Variants in PRDM5 observed in about 807,000 individuals in gnomAD.
PRDM5 encodes the protein PR/SET domain 5.
PRDM5 carries 56 observed loss-of-function variants against 81.2 expected under a neutral mutation model. The ratio of observed to expected loss-of-function variants is 0.69; its 90% CI spans 0.56 to 0.86. The LOEUF (loss-of-function observed/expected upper bound fraction) is 0.86. PRDM5 is among the 40% of genes least tolerant of loss of function. The pLI, the probability that PRDM5 is intolerant of heterozygous loss-of-function variation, is 0.00. For missense variants in PRDM5, 697 were observed against 770.1 expected, an observed-to-expected ratio of 0.91 and a Z score of 1.12; for synonymous variants, 267 against 256.4, an observed-to-expected ratio of 1.04 and a Z score of -0.39.
chr4:120,735,164 T>C (rs1273808494), intron 14 of PRDM5, among the ~76,000 whole-genome samples: 2 of 152,210 alleles, frequency 1.3e-5, no homozygotes, highest in Non-Finnish European at 2.9e-5. Context: ...GTCATGGAAT[T>C]CCCTAAGATC....
intron 14 of PRDM5, among the ~76,000 whole-genome samples, chr4:120,740,960 T>G (rs572105296): frequency 1.3e-5 from 2 of 152,204 alleles, no homozygotes; most frequent in Non-Finnish European, 2.9e-5. Flanking sequence ...TTACTGTATC[T>G]GTAGGTGTGC....
At chr4:120,899,748 G>C (rs569140735) in intron 2 of PRDM5, among the ~76,000 whole-genome samples, 1 of 152,024 alleles carries the variant, frequency 6.6e-6, no homozygotes, top group Non-Finnish European at 1.5e-5. Context: ...TGGAGATAAC[G>C]TCACATCCCA....
chr4:120,735,286 C>G (rs1445101449), intron 14 of PRDM5, among the ~76,000 whole-genome samples: 1 of 152,144 alleles, frequency 6.6e-6, no homozygotes, highest in Non-Finnish European at 1.5e-5. Flanking sequence ...TCCTACTGTT[C>G]AGAATAACAG....
intron 12 of PRDM5, among the ~76,000 whole-genome samples, chr4:120,779,952 C>A (rs1748800747): frequency 6.6e-6 from 1 of 151,318 alleles, no homozygotes; most frequent in African/African-American, 2.4e-5. Flanking sequence ...TATATAATAT[C>A]TCCTGTATAT....
chr4:120,687,307 C>T (rs1331416690), downstream of PRDM5, among the ~76,000 whole-genome samples: 1 of 152,044 alleles, frequency 6.6e-6, no homozygotes, highest in African/African-American at 2.4e-5. Flanking sequence ...CCCTTCTTTG[C>T]CTTCCCTGGT....
In PRDM5 at chr4:120,843,539, C is replaced by T. The variant is rs115514472; in HGVS notation, c.300+9879G>A. On this transcript the variant is annotated intron_variant, in intron 3 of 15. Transcript: ENST00000264808. Reference sequence around the variant, plus strand: ...GCAACAATGCAAGACCCCATCTCTACAATAAATTTAAAAAAGTAGATGGGC... The same window carrying T: ...GCAACAATGCAAGACCCCATCTCTATAATAAATTTAAAAAAGTAGATGGGC... Among the ~76,000 whole-genome samples the T allele has an allele frequency of 6.5e-3, 983 of 151,892 alleles. 11 individuals carry two copies. Among genetic ancestry groups the T allele is most frequent in the African/African-American group, 0.023 (950 of 41,424 alleles).
At chr4:120,795,971 A>G (rs917513878) in intron 10 of PRDM5, among the ~76,000 whole-genome samples, 2 of 152,128 alleles carry the variant, frequency 1.3e-5, no homozygotes, top group Non-Finnish European at 2.9e-5. Flanking sequence ...ATAATATTCT[A>G]TTTTTCAAGC....
At chr4:120,762,640 A>T (rs1473365649) in intron 13 of PRDM5, 1 of 152,190 alleles carries the variant, frequency 6.6e-6, no homozygotes, top group Admixed American at 6.5e-5. Context: ...AATAAATTAG[A>T]AGTACACCAT....
At chr4:120,896,137 A>G (rs1394925392) in intron 2 of PRDM5, 2 of 152,168 alleles carry the variant, frequency 1.3e-5, no homozygotes, top group African/African-American at 4.8e-5. Flanking sequence ...AACTTTGATG[A>G]GCTCTCTTAA....
Position 120,805,682 on chromosome 4 carries a change from G to C in PRDM5, c.945+5688C>G, listed in dbSNP as rs377057187. Among the ~76,000 whole-genome samples, 22 of 152,206 alleles carry C rather than the reference G, an allele frequency of 1.4e-4. No individual in the cohort carries two copies. In the East Asian group the frequency reaches 4.2e-3, roughly 29 times the overall value. On this transcript the variant is annotated intron_variant, in intron 8 of 15. Coordinates refer to ENST00000264808, the MANE Select transcript of PRDM5 (RefSeq NM_018699.4). ...CATGCTAAAAACTCTCAATAAACTA[G>C]GTACTGATGGGACATATCTCAAAAT...
chr4:120,824,566 T>C lies in PRDM5; in HGVS notation c.301-3221A>G, dbSNP rs544057257. On this transcript the variant is annotated intron_variant, in intron 3 of 15. Transcript: ENST00000264808. The stretch of plus-strand genomic sequence containing the variant: ...CATTATAATTTGAATACAACATATT[T>C]ATAGAATGAATGGTTTTACAATTGT... Among the ~76,000 whole-genome samples the C allele has an allele frequency of 4.6e-5, 7 of 152,348 alleles. No homozygotes were observed. In the South Asian group the frequency reaches 1.4e-3, roughly 32 times the overall value.
downstream of PRDM5, among the ~76,000 whole-genome samples, chr4:120,690,818 T>C (rs1204350049): frequency 3.3e-5 from 5 of 152,160 alleles, no homozygotes; most frequent in Non-Finnish European, 7.4e-5. Context: ...TTGAACTGTT[T>C]TGCATTGATT....
chr4:120,748,828 G>C (rs1743538344), intron 14 of PRDM5, among the ~76,000 whole-genome samples: 1 of 151,966 alleles, frequency 6.6e-6, no homozygotes, highest in African/African-American at 2.4e-5. Flanking sequence ...AGGCCGCCAG[G>C]GTCTGACTGC....
intron 14 of PRDM5, among the ~76,000 whole-genome samples, chr4:120,752,819 T>C (rs74747939): frequency 0.094 from 14,377 of 152,238 alleles, 894 homozygotes; most frequent in Non-Finnish European, 0.14. Flanking sequence ...AGCTACCTCA[T>C]AGAGTTGTTG....
At chr4:120,833,573 T>C (rs1484136771) in intron 3 of PRDM5, among the ~76,000 whole-genome samples, 2 of 152,184 alleles carry the variant, frequency 1.3e-5, no homozygotes, top group African/African-American at 4.8e-5. Flanking sequence ...AAATGAATCT[T>C]CTACCATAAC....
chr4:120,804,825 G>C (rs1752668797), intron 8 of PRDM5, among the ~76,000 whole-genome samples: 1 of 152,108 alleles, frequency 6.6e-6, no homozygotes, highest in South Asian at 2.1e-4. Flanking sequence ...CCAAAAGCTA[G>C]CAGAAGGCAA....
chr4:120,885,793 C>T (rs576315514), intron 2 of PRDM5: 2 of 136,436 alleles, frequency 1.5e-5, no homozygotes, highest in South Asian at 2.3e-4. Flanking sequence ...ACCCTATCAC[C>T]GAAAGAAAAA....
intron 14 of PRDM5, among the ~76,000 whole-genome samples, chr4:120,742,832 G>T (rs1168157898): frequency 7.9e-5 from 12 of 152,010 alleles, no homozygotes; most frequent in Admixed American, 7.9e-4. Flanking sequence ...TGGGGAGAAT[G>T]GAACCAAGTT....
At chr4:120,885,945 C>A (rs1181294834) in intron 2 of PRDM5, among the ~76,000 whole-genome samples, 1 of 152,114 alleles carries the variant, frequency 6.6e-6, no homozygotes, top group Admixed American at 6.5e-5. Context: ...TTTAATCACA[C>A]CTCAGGTTTT....
Sources: gnomAD v4.1 joint callset for allele counts (sites outside exome capture counted in the v4.1 genomes callset) on GRCh38, gnomAD v4.1.1 for gene constraint, MANE v1.5 for transcripts, NCBI Gene and HGNC (gene_info 2026-07-23, HGNC 2026-07-21) for gene names.